Variants in SLC9A9 observed in about 807,000 individuals in gnomAD.
The protein encoded by SLC9A9 is solute carrier family 9 member A9.
Under a neutral mutation model 77.8 loss-of-function variants are expected in SLC9A9, and 62 were observed. The observed-to-expected ratio is 0.80, with a 90% CI of 0.65 to 0.98. SLC9A9 has a LOEUF of 0.98. Ranked by LOEUF, SLC9A9 falls within the 50% of genes least tolerant of loss-of-function variation. The probability of loss-of-function intolerance (pLI) is 0.00; values close to 1 mark genes in which losing one functional copy is unlikely to be tolerated. For missense variants in SLC9A9, 775 were observed against 774.9 expected (o/e 1.00, Z 0.00); for synonymous variants, 320 against 283.5 (o/e 1.13, Z -1.29).
intron 8 of SLC9A9, among the ~76,000 whole-genome samples, chr3:143,561,872 G>A (rs550982276): frequency 6.6e-6 from 1 of 152,270 alleles, no homozygotes; most frequent in African/African-American, 2.4e-5. Context: ...ACAAGTGACT[G>A]GGAGATAGTA....
At chr3:143,376,774 GA>G (rs1422996614) in intron 13 of SLC9A9, among the ~76,000 whole-genome samples, 2 of 152,072 alleles carry the variant, frequency 1.3e-5, no homozygotes, top group Non-Finnish European at 2.9e-5. Context: ...TTGGCCAAGG[GA>G]AAACCCAAGA....
At chr3:143,634,786 T>C (rs947365610) in intron 6 of SLC9A9, among the ~76,000 whole-genome samples, 61 of 152,328 alleles carry the variant, frequency 4.0e-4, no homozygotes, top group African/African-American at 1.4e-3. Flanking sequence ...GGCTCTTCTT[T>C]GGCTTAAATT....
intron 2 of SLC9A9, among the ~76,000 whole-genome samples, chr3:143,822,014 T>G (rs2009178508): frequency 6.6e-6 from 1 of 152,198 alleles, no homozygotes; most frequent in African/African-American, 2.4e-5. Flanking sequence ...TTGCCAAGAC[T>G]GCAGAGAAGC....
chr3:143,272,389 T>C (rs1034056486), intron 14 of SLC9A9, among the ~76,000 whole-genome samples: 17 of 152,164 alleles, frequency 1.1e-4, no homozygotes, highest in African/African-American at 4.1e-4. Context: ...ACTTATGAAA[T>C]AGTAGTTGAA....
At position 143,714,939 on chromosome 3, in the gene SLC9A9, C is replaced by A. The variant is rs114652792; in HGVS notation, c.534-21632G>T. Reference sequence around the variant, plus strand: ...ATCATGGGGGCAGGTCTTTCCTATGCGGTTCTCATGATAGTGAATAAGTCT... The same window carrying A: ...ATCATGGGGGCAGGTCTTTCCTATGAGGTTCTCATGATAGTGAATAAGTCT... On this transcript the variant is annotated intron_variant, in intron 4 of 15. Coordinates refer to ENST00000316549, the MANE Select transcript of SLC9A9 (RefSeq NM_173653.4). 2.5e-4 allele frequency among the ~76,000 whole-genome samples: 38 copies of A among 152,214 alleles called. No individual in the cohort carries two copies. In the South Asian group the frequency reaches 7.7e-3, roughly 31 times the overall value.
At chr3:143,643,941 C>G (rs2038662387) in intron 6 of SLC9A9, among the ~76,000 whole-genome samples, 1 of 148,000 alleles carries the variant, frequency 6.8e-6, no homozygotes, top group African/African-American at 2.5e-5. Context: ...GACTGATATG[C>G]AAATATTGGG....
chr3:143,423,007 C>A (rs975473722), intron 12 of SLC9A9, among the ~76,000 whole-genome samples: 6 of 152,056 alleles, frequency 3.9e-5, no homozygotes, highest in African/African-American at 1.4e-4. Context: ...TTCCTTGAGC[C>A]TCCTAGTGGC....
chr3:143,662,215 G>A lies in SLC9A9; in HGVS notation c.650-9855C>T, dbSNP rs142922456. ...GTACTAGATACTGCAGCATAAACTA[G>A]CGCTGTCATTTCTGAAATTTTAGCC... On this transcript the variant is annotated intron_variant, in intron 5 of 15. Transcript: ENST00000316549. Among the ~76,000 whole-genome samples, 565 of 152,308 alleles carry A rather than the reference G, an allele frequency of 3.7e-3. 4 individuals carry two copies. Among genetic ancestry groups the A allele is most frequent in the African/African-American group, 0.013 (538 of 41,570 alleles).
At chr3:143,346,008 T>G (rs1048409501) in intron 14 of SLC9A9, among the ~76,000 whole-genome samples, 1 of 152,158 alleles carries the variant, frequency 6.6e-6, no homozygotes, top group African/African-American at 2.4e-5. Flanking sequence ...TTAAAGCTAC[T>G]GAATGCAAAG....
At chr3:143,763,444 A>G (rs2007201210) in intron 4 of SLC9A9, among the ~76,000 whole-genome samples, 1 of 152,180 alleles carries the variant, frequency 6.6e-6, no homozygotes, top group Admixed American at 6.5e-5. Context: ...ATCAGTTCAA[A>G]TAATTGATGT....
chr3:143,299,391 C>T (rs2030420051), intron 14 of SLC9A9, among the ~76,000 whole-genome samples: 1 of 152,070 alleles, frequency 6.6e-6, no homozygotes, highest in Non-Finnish European at 1.5e-5. Context: ...CTCAAACTGG[C>T]AACCATCAGA....
chr3:143,359,346 A>T (rs904964920), intron 14 of SLC9A9, among the ~76,000 whole-genome samples: 5 of 152,132 alleles, frequency 3.3e-5, no homozygotes, highest in Admixed American at 6.5e-5. Flanking sequence ...GAACTATTAA[A>T]ACAAAGTCCA....
At chr3:143,548,099 C>T (rs2036818658) in intron 9 of SLC9A9, among the ~76,000 whole-genome samples, 1 of 152,190 alleles carries the variant, frequency 6.6e-6, no homozygotes, top group Admixed American at 6.5e-5. Context: ...TAATTATTTA[C>T]ATTCATTTCA....
chr3:143,485,742 TA>T (rs749315999), intron 11 of SLC9A9, among the ~76,000 whole-genome samples: 1 of 150,896 alleles, frequency 6.6e-6, no homozygotes. Context: ...CCATTCAAAG[TA>T]AAAAAAATAA....
chr3:143,490,665 TTA>T (rs2035727322), intron 11 of SLC9A9, among the ~76,000 whole-genome samples: 1 of 152,130 alleles, frequency 6.6e-6, no homozygotes, highest in South Asian at 2.1e-4. Flanking sequence ...ATGGGAAATT[TTA>T]TGTTATTGTA....
intron 12 of SLC9A9, among the ~76,000 whole-genome samples, chr3:143,426,155 T>C (rs1176913265): frequency 6.6e-6 from 1 of 152,192 alleles, no homozygotes; most frequent in African/African-American, 2.4e-5. Flanking sequence ...AATTTTCCCA[T>C]TTAAACTTCA....
intron 1 of SLC9A9, 130 bp downstream of exon 1, chr3:143,848,018 C>T (rs2108903498): frequency 2.1e-6 from 2 of 969,984 alleles, no homozygotes; most frequent in Non-Finnish European, 3.2e-6. Context: ...CGCTGCAGCA[C>T]CTTTCATCAA....
At chr3:143,375,403 T>C (rs1352627798) in intron 13 of SLC9A9, among the ~76,000 whole-genome samples, 1 of 152,216 alleles carries the variant, frequency 6.6e-6, no homozygotes, top group East Asian at 1.9e-4. Context: ...CCTCGTAATT[T>C]TCTCTGGTCA....
chr3:143,272,299 T>A (rs1213432341), intron 14 of SLC9A9, among the ~76,000 whole-genome samples: 1 of 152,212 alleles, frequency 6.6e-6, no homozygotes, highest in Non-Finnish European at 1.5e-5. Context: ...CATTACAGAA[T>A]AGAAAATTCC....
Sources: allele counts gnomAD v4.1 joint callset (sites outside exome capture counted in the v4.1 genomes callset), GRCh38; gene constraint gnomAD v4.1.1; transcripts MANE v1.5; gene names NCBI Gene and HGNC (gene_info 2026-07-23, HGNC 2026-07-21).